The following ARHGEF10 variants were observed in gnomAD, a reference collection of about 807,000 sequenced individuals.
The protein encoded by ARHGEF10 is Rho guanine nucleotide exchange factor (GEF) 10.
Under a neutral mutation model 147.4 loss-of-function variants are expected in ARHGEF10, and 140 were observed. The ratio of observed to expected loss-of-function variants is 0.95; its 90% CI spans 0.83 to 1.09. ARHGEF10 has a LOEUF of 1.09. Among genes scored for constraint, ARHGEF10 ranks in the 50% least tolerant of loss-of-function variants. The pLI is 0.00. For synonymous variants in ARHGEF10, 902 were observed against 695.8 expected (o/e 1.30, Z -4.67); for missense variants, 2,222 against 1,752.7 (o/e 1.27, Z -4.78).
intron 7 of ARHGEF10, among the ~76,000 whole-genome samples, chr8:1,871,481 G>A (rs1807122446): frequency 6.6e-6 from 1 of 152,064 alleles, no homozygotes; most frequent in Admixed American, 6.5e-5. Context: ...TAAACTATAT[G>A]GGATAGATTT....
At chr8:1,935,217 C>G (rs1052554788) in intron 26 of ARHGEF10, among the ~76,000 whole-genome samples, 1 of 152,194 alleles carries the variant, frequency 6.6e-6, no homozygotes, top group African/African-American at 2.4e-5. Flanking sequence ...GCACACCCCC[C>G]ACAACCCCCC....
intron 7 of ARHGEF10, among the ~76,000 whole-genome samples, chr8:1,875,745 G>A (rs555660581): frequency 1.3e-5 from 2 of 152,180 alleles, no homozygotes; most frequent in South Asian, 4.1e-4. Context: ...GTCTAATTTT[G>A]CATTTCCAGT....
rs202141835 is a variant in ARHGEF10, at chr8:1,925,280, C to T, written c.2489-3C>T. ...GCTCATTTCTCTCTGAATATAATTG[C>T]AGAAGAGGAGAACCACATGGGCTGG... On this transcript the variant is annotated splice_polypyrimidine_tract_variant and splice_region_variant and intron_variant, in intron 21 of 28. Coordinates refer to ENST00000349830, the MANE Select transcript of ARHGEF10 (RefSeq NM_014629.4). 8.1e-5 allele frequency: 131 copies of T among 1,614,104 alleles called. 1 individual carries two copies. In the African/African-American group the frequency reaches 1.4e-3, roughly 18 times the overall value.
intron 1 of ARHGEF10, among the ~76,000 whole-genome samples, chr8:1,830,792 G>A (rs764202210): frequency 1.3e-5 from 2 of 152,204 alleles, no homozygotes; most frequent in Non-Finnish European, 2.9e-5. Context: ...CATACACGGG[G>A]CTACAAGGTG....
At chr8:1,871,516 A>G (rs776718574) in intron 7 of ARHGEF10, among the ~76,000 whole-genome samples, 2 of 152,220 alleles carry the variant, frequency 1.3e-5, no homozygotes, top group Non-Finnish European at 2.9e-5. Flanking sequence ...TTATAGACAT[A>G]ATGGCATATG....
At chr8:1,895,079 G>A (rs73542949) in intron 13 of ARHGEF10, among the ~76,000 whole-genome samples, 14 of 152,226 alleles carry the variant, frequency 9.2e-5, no homozygotes, top group Non-Finnish European at 1.5e-4. Flanking sequence ...AGCTTCTGTT[G>A]TGTAGATACA....
Position 1,923,808 on chromosome 8 carries a change from A to C in ARHGEF10, c.2422A>C (p.Asn808His). Residue 808 changes from asparagine to histidine, a missense_variant, in exon 21 of 29, where the codon AAT (asparagine) becomes CAT (histidine). By Grantham distance (68) the Asn-to-His change is moderately conservative. Coordinates refer to ENST00000349830, the MANE Select transcript of ARHGEF10 (RefSeq NM_014629.4). ...ACCGACGTTCTTTACAGCTGTGTTC[A>C]ATACGTTCACCCCTGCCATCAAGGA... ...GRPTFFTAVFNTFTPAIKESW... is the reference protein window; with the variant it reads ...GRPTFFTAVFHTFTPAIKESW... 1.2e-6 allele frequency: 2 copies of C among 1,614,164 alleles called. No homozygotes were observed. Among genetic ancestry groups the C allele is most frequent in the African/African-American group, 1.3e-5 (1 of 75,038 alleles).
At chr8:1,855,496 C>A (rs1805481029) in intron 2 of ARHGEF10, among the ~76,000 whole-genome samples, 1 of 152,110 alleles carries the variant, frequency 6.6e-6, no homozygotes, top group African/African-American at 2.4e-5. Flanking sequence ...ATCCTCCCAC[C>A]TCAGCCTTCG....
chr8:1,868,496 T>C (rs1471814073), intron 6 of ARHGEF10, among the ~76,000 whole-genome samples: 3 of 152,240 alleles, frequency 2.0e-5, no homozygotes, highest in Admixed American at 6.5e-5. Context: ...CTCAGGCTCA[T>C]TGTTGGTGTC....
chr8:1,899,973 G>A (rs1456097601), intron 15 of ARHGEF10, among the ~76,000 whole-genome samples: 3 of 152,332 alleles, frequency 2.0e-5, no homozygotes, highest in African/African-American at 4.8e-5. Context: ...TGTGTTTAGC[G>A]ATGCGCCAGT....
rs79119275 is a variant in ARHGEF10, at chr8:1,909,522, C to T, written c.2143+52C>T. The T allele has an allele frequency of 2.3e-4, 367 of 1,608,430 alleles. 1 individual carries two copies. The East Asian group carries it at 6.7e-3, about 29-fold the overall frequency. On this transcript the variant is annotated intron_variant, in intron 18 of 28. Transcript: ENST00000349830. ...TGCCGTGGGGCCAGGGTAACTCTCACGTTCATGCTAGCTGTGGGGCCAGCG... is the reference window on the plus strand; with the variant it reads ...TGCCGTGGGGCCAGGGTAACTCTCATGTTCATGCTAGCTGTGGGGCCAGCG...
intron 9 of ARHGEF10, 144 bp from the exon 10 acceptor site, chr8:1,882,491 A>C (rs1808287478): frequency 1.3e-6 from 1 of 771,944 alleles, no homozygotes; most frequent in Non-Finnish European, 2.3e-6. Flanking sequence ...AACAAAACCA[A>C]AACAAAACCT....
chr8:1,925,940 C>G (rs185661244), intron 22 of ARHGEF10, among the ~76,000 whole-genome samples: 2 of 152,326 alleles, frequency 1.3e-5, no homozygotes, highest in Admixed American at 1.3e-4. Context: ...TCACCCTGGT[C>G]TCTGGCCAGG....
chr8:1,945,748 A>C (rs965745315), intron 27 of ARHGEF10, 93 bp downstream of exon 27: 1 of 1,520,560 alleles, frequency 6.6e-7, no homozygotes, highest in Admixed American at 1.7e-5. Context: ...AGCGCTTCCC[A>C]GTGCAGGACA....
At chr8:1,828,170 C>T (rs1484541073) in intron 1 of ARHGEF10, among the ~76,000 whole-genome samples, 3 of 152,224 alleles carry the variant, frequency 2.0e-5, no homozygotes, top group Admixed American at 6.5e-5. Flanking sequence ...GTGAGTCAGG[C>T]TCCTGCAAGT....
chr8:1,912,003 G>A lies in ARHGEF10; in HGVS notation c.2143+2533G>A, dbSNP rs142130265. 7.0e-3 allele frequency among the ~76,000 whole-genome samples: 1,061 copies of A among 152,322 alleles called. 4 individuals are homozygous for A. The highest frequency in any genetic ancestry group is 0.011 in the Non-Finnish European group (779 of 68,036). ...GATAGTCATAGGACTTCTGCTGCTT[G>A]AATGACTGTTCTAAAATTCAGTGTT... On this transcript the variant is annotated intron_variant, in intron 18 of 28. Coordinates refer to ENST00000349830, the MANE Select transcript of ARHGEF10 (RefSeq NM_014629.4).
intron 18 of ARHGEF10, among the ~76,000 whole-genome samples, chr8:1,920,774 C>T (rs1812223542): frequency 6.7e-6 from 1 of 149,884 alleles, no homozygotes; most frequent in Admixed American, 6.6e-5. Flanking sequence ...GATCAGTTTG[C>T]TCTTTCGTTT....
chr8:1,894,322 C>A lies in ARHGEF10; in HGVS notation c.1261-71C>A, dbSNP rs1272975297. ...CCATGATCGCACCACTGCGCTGCAC[C>A]CTGGACAACAAAACAAGACCCAGGC... is the stretch of plus-strand genomic sequence containing the variant. On this transcript the variant is annotated intron_variant, in intron 12 of 28. Transcript: ENST00000349830. The A allele has an allele frequency of 3.8e-6, 6 of 1,558,902 alleles. No individual in the cohort carries two copies. In the African/African-American group the frequency reaches 8.1e-5, roughly 21 times the overall value.
chr8:1,882,429 A>G (rs1808281150), intron 9 of ARHGEF10, among the ~76,000 whole-genome samples: 1 of 152,222 alleles, frequency 6.6e-6, no homozygotes, highest in Admixed American at 6.5e-5. Flanking sequence ...ATGTTTCACC[A>G]TGTCCAGGAA....
Sources: gnomAD v4.1 joint callset for allele counts (sites outside exome capture counted in the v4.1 genomes callset) on GRCh38, gnomAD v4.1.1 for gene constraint, MANE v1.5 for transcripts, NCBI Gene and HGNC (gene_info 2026-07-23, HGNC 2026-07-21) for gene names.